PRH1: variants seen among roughly 807,000 people sequenced by gnomAD.
The protein encoded by PRH1 is salivary acidic proline-rich phosphoprotein 1/2.
PRH1 carries 7 observed loss-of-function variants against 7.9 expected under a neutral mutation model. The ratio of observed to expected loss-of-function variants is 0.89; its 90% CI spans 0.50 to 1.67. The LOEUF is 1.67. Among genes scored for constraint, PRH1 ranks in the 40% most tolerant of loss-of-function variants. PRH1 has a pLI of 0.00. For missense variants in PRH1, 109 were observed against 223.6 expected (o/e 0.49, Z 3.27); for synonymous variants, 45 against 80.8 (o/e 0.56, Z 2.38).
chr12:11,149,152 T>G (rs1322338535), intron 1 of PRH1, among the ~76,000 whole-genome samples: 2 of 152,094 alleles, frequency 1.3e-5, no homozygotes, highest in African/African-American at 4.8e-5. Context: ...TTATTTTTTA[T>G]TGTGTCTATT....
intron 1 of PRH1, among the ~76,000 whole-genome samples, chr12:11,024,145 G>A (rs1326309264): frequency 1.3e-5 from 2 of 152,238 alleles, no homozygotes; most frequent in African/African-American, 2.4e-5. Context: ...AGTTACACAT[G>A]AATGTATACA....
intron 2 of PRH1, among the ~76,000 whole-genome samples, chr12:10,910,828 G>C (rs1591670390): frequency 6.6e-6 from 1 of 152,212 alleles, no homozygotes; most frequent in South Asian, 2.1e-4. Context: ...ATTTAATAAA[G>C]ATATAATTTG....
At chr12:11,073,719 A>C (rs1409389821) in intron 1 of PRH1, among the ~76,000 whole-genome samples, 3 of 152,054 alleles carry the variant, frequency 2.0e-5, no homozygotes, top group Admixed American at 6.6e-5. Flanking sequence ...GCTGTGGCCC[A>C]ACCTGCTCTG....
At chr12:10,928,402 T>C (rs951288253) in intron 2 of PRH1, among the ~76,000 whole-genome samples, 1 of 152,234 alleles carries the variant, frequency 6.6e-6, no homozygotes, top group Non-Finnish European at 1.5e-5. Flanking sequence ...ATGAATTCTA[T>C]AGAATATTCT....
In PRH1 at chr12:10,917,294, AT is replaced by A. The variant is rs375014019; in HGVS notation, c.-58-33020del. 2.4e-4 allele frequency among the ~76,000 whole-genome samples: 36 copies of A among 150,832 alleles called. 1 individual carries two copies. In the East Asian group the frequency reaches 6.3e-3, roughly 26 times the overall value. On this transcript the variant is annotated intron_variant, in intron 2 of 3. Coordinates refer to the PRH1 transcript ENST00000539853. ...AGAGAGAAAAATTCCTAATTTTATA[AT>A]TTTTTTTATTTTCAACTAAGGGATT...
At chr12:10,957,073 C>A (rs1346307318) in intron 2 of PRH1, among the ~76,000 whole-genome samples, 2 of 149,522 alleles carry the variant, frequency 1.3e-5, no homozygotes, top group Non-Finnish European at 3.0e-5. Context: ...TTTTAAAATT[C>A]ACTGGGAATG....
At chr12:10,986,586 T>A (rs761823515) in intron 1 of PRH1, 2 of 1,614,134 alleles carry the variant, frequency 1.2e-6, no homozygotes, top group Non-Finnish European at 1.7e-6. Flanking sequence ...GCTGAAATGG[T>A]TGGTTACAAC....
chr12:11,035,533 C>G (rs760124766), intron 1 of PRH1, among the ~76,000 whole-genome samples: 9 of 152,094 alleles, frequency 5.9e-5, no homozygotes, highest in Non-Finnish European at 8.8e-5. Context: ...AACGGAGAAA[C>G]TAAACCAAGT....
intron 1 of PRH1, among the ~76,000 whole-genome samples, chr12:11,073,365 C>G (rs4589382): frequency 0.31 from 36,655 of 117,290 alleles, 4,143 homozygotes; most frequent in East Asian, 0.58. Context: ...AACTCATGGC[C>G]TCAAGTGATC....
At chr12:11,127,872 C>A (rs954829040) in intron 1 of PRH1, among the ~76,000 whole-genome samples, 1 of 152,010 alleles carries the variant, frequency 6.6e-6, no homozygotes, top group Non-Finnish European at 1.5e-5. Context: ...TTTGGGAGGC[C>A]GAGGCGGGCT....
rs1950315285 is a variant in PRH1, at chr12:10,937,870, C to T, written c.-59+35785G>A. On this transcript the variant is annotated intron_variant, in intron 2 of 3. Transcript: ENST00000539853. Reference sequence around the variant, plus strand: ...ACACTTAATATAGGTACTAAAATTCCATATTCTTTTATGTACTTTATCTAC... The same window carrying T: ...ACACTTAATATAGGTACTAAAATTCTATATTCTTTTATGTACTTTATCTAC... 2.5e-5 allele frequency: 4 copies of T among 159,292 alleles called. No individual in the cohort carries two copies. In the Admixed American group the frequency reaches 2.6e-4, roughly 10 times the overall value. 9.9% of individuals were successfully genotyped at this position (159,292 alleles called of 1,614,324 possible). A position where few individuals can be genotyped will look rare whatever the true frequency, so the allele number is the denominator to read the frequency against.
At chr12:10,940,203 C>T (rs1272424714) in intron 2 of PRH1, among the ~76,000 whole-genome samples, 1 of 152,116 alleles carries the variant, frequency 6.6e-6, no homozygotes, top group African/African-American at 2.4e-5. Context: ...AAGTACATGC[C>T]CAGCAAACAT....
intron 2 of PRH1, among the ~76,000 whole-genome samples, chr12:10,966,422 T>C (rs1056810406): frequency 4.6e-5 from 7 of 152,186 alleles, no homozygotes; most frequent in Admixed American, 2.0e-4. Context: ...GTTTCCACAT[T>C]GGAGTTTCTT....
intron 1 of PRH1, among the ~76,000 whole-genome samples, chr12:11,106,982 T>C (rs1052388116): frequency 3.0e-4 from 45 of 152,154 alleles, no homozygotes; most frequent in Admixed American, 1.4e-3. Context: ...ACTTGATACA[T>C]AAAAGATAAC....
chr12:10,918,367 A>T (rs1485504754), intron 2 of PRH1, among the ~76,000 whole-genome samples: 2 of 152,182 alleles, frequency 1.3e-5, no homozygotes, highest in Admixed American at 6.5e-5. Flanking sequence ...TGTACCCCAG[A>T]ACTTAATAAA....
At chr12:11,014,113 T>C (rs1941185149) in intron 1 of PRH1, among the ~76,000 whole-genome samples, 2 of 152,152 alleles carry the variant, frequency 1.3e-5, no homozygotes, top group Admixed American at 1.3e-4. Flanking sequence ...CGTGAATAAA[T>C]AAATAATATA....
chr12:11,073,854 T>A (rs1181223078), intron 1 of PRH1, among the ~76,000 whole-genome samples: 1 of 152,178 alleles, frequency 6.6e-6, no homozygotes, highest in Non-Finnish European at 1.5e-5. Context: ...CCTAGGGAAT[T>A]ACTGCAGAAC....
At chr12:10,986,713 C>T (rs1403701148) in intron 1 of PRH1, 1 of 1,613,252 alleles carries the variant, frequency 6.2e-7, no homozygotes, top group South Asian at 1.1e-5. Flanking sequence ...ACCGCCAGAG[C>T]AGTGAGAATT....
intron 1 of PRH1, among the ~76,000 whole-genome samples, chr12:10,991,495 G>T (rs12311627): frequency 6.6e-6 from 1 of 151,722 alleles, no homozygotes; most frequent in African/African-American, 2.4e-5. Flanking sequence ...TTGATGCTCC[G>T]ACCTTCTCCA....
Sources: gnomAD v4.1 joint callset for allele counts (sites outside exome capture counted in the v4.1 genomes callset) on GRCh38, gnomAD v4.1.1 for gene constraint, MANE v1.5 for transcripts, NCBI Gene and HGNC (gene_info 2026-07-23, HGNC 2026-07-21) for gene names.